Variants in PCED1B observed in about 807,000 individuals in gnomAD.
PCED1B encodes PC-esterase domain-containing protein 1B.
For synonymous variants in PCED1B, 251 were observed against 246.1 expected, an observed-to-expected ratio of 1.02 and a Z score of -0.19; for missense variants, 573 against 573.9, an observed-to-expected ratio of 1.00 and a Z score of 0.02.
chr12:47,235,821 G>T lies in PCED1B; in HGVS notation c.758G>T (p.Gly253Val). 1 of 1,575,958 alleles carries T rather than the reference G, an allele frequency of 6.3e-7. No individual in the cohort carries two copies. Among genetic ancestry groups the T allele is most frequent in the Non-Finnish European group, 8.6e-7 (1 of 1,160,848 alleles). Residue 253 changes from glycine (G) to valine (V), a missense_variant, in exon 4 of 4, where the codon GGT becomes GTT. Coordinates refer to ENST00000546455, the MANE Select transcript of PCED1B (RefSeq NM_138371.3). ...LLLAHVADAW[G>V]VELPHRHPVG... ...CTGGCCCACGTGGCCGACGCCTGGG[G>T]TGTGGAGCTGCCCCACCGCCACCCC...
intron 2 of PCED1B, among the ~76,000 whole-genome samples, chr12:47,174,428 A>C (rs1054961848): frequency 4.0e-5 from 6 of 150,176 alleles, no homozygotes; most frequent in Non-Finnish European, 8.8e-5. Context: ...AACAAACAAA[A>C]CAAACAAACA....
chr12:47,217,466 GAAAGAGAAAGAAAGAAAGAAAGAAAGAA>G (rs1224447423), intron 3 of PCED1B, among the ~76,000 whole-genome samples: 5 of 70,608 alleles, frequency 7.1e-5, no homozygotes, highest in Non-Finnish European at 1.3e-4. Flanking sequence ...GAAAAAGAAA[GAAAGAGAAAGAAAGAAAGAAAGAAAGAA>G]AGAAAGAAAG....
chr12:47,118,709 T>C (rs1446299461), intron 2 of PCED1B, among the ~76,000 whole-genome samples: 2 of 152,196 alleles, frequency 1.3e-5, no homozygotes, highest in African/African-American at 4.8e-5. Context: ...TTAAATTAGT[T>C]TTTTCCAATT....
At chr12:47,191,872 A>G (rs567142322) in intron 2 of PCED1B, among the ~76,000 whole-genome samples, 44 of 151,904 alleles carry the variant, frequency 2.9e-4, no homozygotes, top group African/African-American at 1.0e-3. Context: ...CTCTTTGCCA[A>G]TCTGAGTCCA....
intron 3 of PCED1B, among the ~76,000 whole-genome samples, chr12:47,234,203 GTCTCGGAC>G (rs937157115): frequency 6.6e-6 from 1 of 152,098 alleles, no homozygotes; most frequent in African/African-American, 2.4e-5. Context: ...GGTCAGGCTG[GTCTCGGAC>G]TCCCGACCTC....
chr12:47,202,599 AAAAAAAAAAAAAAAAAAAAAG>A (rs1036059482), intron 2 of PCED1B, among the ~76,000 whole-genome samples: 1 of 145,614 alleles, frequency 6.9e-6, no homozygotes, highest in African/African-American at 2.5e-5. Flanking sequence ...ATTAGTAAAA[AAAAAAAAAAAAAAAAAAAAAG>A]AAAAAAGAAA....
chr12:47,159,542 A>C (rs1472195238), intron 2 of PCED1B, among the ~76,000 whole-genome samples: 1 of 151,870 alleles, frequency 6.6e-6, no homozygotes, highest in Non-Finnish European at 1.5e-5. Context: ...TTCTTTTGAG[A>C]AATGTCTATT....
intron 3 of PCED1B, among the ~76,000 whole-genome samples, chr12:47,228,889 C>A (rs1943714252): frequency 6.7e-6 from 1 of 150,110 alleles, no homozygotes; most frequent in Admixed American, 6.7e-5. Context: ...AAAAAAGTTA[C>A]CTCATGAAGA....
intron 3 of PCED1B, among the ~76,000 whole-genome samples, chr12:47,228,057 A>C (rs558302925): frequency 6.8e-4 from 101 of 149,126 alleles, no homozygotes; most frequent in Non-Finnish European, 1.3e-3. Flanking sequence ...TTTTTGAGAC[A>C]AAGTCACACT....
At chr12:47,117,881 A>G (rs915153122) in intron 2 of PCED1B, among the ~76,000 whole-genome samples, 16 of 152,138 alleles carry the variant, frequency 1.1e-4, no homozygotes, top group South Asian at 6.2e-4. Flanking sequence ...CTTTTTAATG[A>G]TCACCATTCT....
intron 2 of PCED1B, among the ~76,000 whole-genome samples, chr12:47,189,376 G>GCATT (rs1352087320): frequency 5.3e-5 from 8 of 152,310 alleles, no homozygotes; most frequent in Admixed American, 2.0e-4. Context: ...AGTCTATTGT[G>GCATT]CATTCTTGTG....
At chr12:47,135,176 T>C (rs898310776) in intron 2 of PCED1B, among the ~76,000 whole-genome samples, 1 of 152,242 alleles carries the variant, frequency 6.6e-6, no homozygotes, top group Non-Finnish European at 1.5e-5. Flanking sequence ...CTAGGTGAAC[T>C]TCCATCACTA....
intron 1 of PCED1B, among the ~76,000 whole-genome samples, chr12:47,086,853 C>T (rs1186405475): frequency 6.6e-6 from 1 of 152,080 alleles, no homozygotes; most frequent in Non-Finnish European, 1.5e-5. Context: ...CATTCAGAGT[C>T]CTATTTTATG....
chr12:47,225,535 C>A (rs1381499940), intron 3 of PCED1B, among the ~76,000 whole-genome samples: 1 of 152,178 alleles, frequency 6.6e-6, no homozygotes, highest in African/African-American at 2.4e-5. Context: ...TTTAAATTCA[C>A]TTAGAAAACT....
chr12:47,151,433 C>A (rs1232542227), intron 2 of PCED1B, among the ~76,000 whole-genome samples: 2 of 152,136 alleles, frequency 1.3e-5, no homozygotes, highest in Non-Finnish European at 1.5e-5. Flanking sequence ...TGTGTATGTG[C>A]AGTCTACAAT....
intron 2 of PCED1B, among the ~76,000 whole-genome samples, chr12:47,127,082 A>T (rs1441468024): frequency 6.6e-6 from 1 of 151,998 alleles, no homozygotes; most frequent in Non-Finnish European, 1.5e-5. Context: ...CTAATACTTG[A>T]GGTGGAAGCT....
intron 2 of PCED1B, among the ~76,000 whole-genome samples, chr12:47,106,225 A>G (rs559298933): frequency 1.3e-5 from 2 of 152,210 alleles, no homozygotes; most frequent in South Asian, 4.2e-4. Flanking sequence ...ATTTTTATCA[A>G]AAAAGGACCA....
At chr12:47,212,966 A>T (rs1943138955) in intron 2 of PCED1B, among the ~76,000 whole-genome samples, 1 of 152,230 alleles carries the variant, frequency 6.6e-6, no homozygotes, top group South Asian at 2.1e-4. Flanking sequence ...GAACTTGCAT[A>T]AAACATAAGA....
intron 3 of PCED1B, among the ~76,000 whole-genome samples, chr12:47,217,604 T>A (rs557751537): frequency 6.6e-6 from 1 of 151,814 alleles, no homozygotes; most frequent in African/African-American, 2.4e-5. Context: ...TGTGATGGAG[T>A]CTCACTCTGC....
Sources: gnomAD v4.1 joint callset for allele counts (sites outside exome capture counted in the v4.1 genomes callset) on GRCh38, gnomAD v4.1.1 for gene constraint, MANE v1.5 for transcripts, NCBI Gene and HGNC (gene_info 2026-07-23, HGNC 2026-07-21) for gene names.